The following GLDC variants were observed in gnomAD, a reference collection of about 807,000 sequenced individuals.
GLDC encodes the protein glycine decarboxylase.
A neutral mutation model predicts 121.3 loss-of-function variants in GLDC; 104 were observed. That is an observed-to-expected ratio of 0.86 (90% CI 0.73 to 1.01). The LOEUF is 1.01. Among genes scored for constraint, GLDC ranks in the 50% least tolerant of loss-of-function variants. The pLI is 0.00. For synonymous variants in GLDC, 546 were observed against 480.6 expected, an observed-to-expected ratio of 1.14 and a Z score of -1.78; for missense variants, 1,429 against 1,306.6, an observed-to-expected ratio of 1.09 and a Z score of -1.44.
chr9:6,547,275 CAG>C (rs1310713512), intron 21 of GLDC, among the ~76,000 whole-genome samples: 8 of 152,132 alleles, frequency 5.3e-5, no homozygotes, highest in Non-Finnish European at 8.8e-5. Flanking sequence ...GCTGTGAAAT[CAG>C]AGAGTCAGCT....
rs185708293 is a variant in GLDC at position 6,611,328 on chromosome 9, C to T, written c.471-972G>A. Reference sequence around the variant, plus strand: ...ACCTATTTTACTTGGGAGGTCAAGGCGGGCGGATCACGAGGTCAGGAGATC... The same window carrying T: ...ACCTATTTTACTTGGGAGGTCAAGGTGGGCGGATCACGAGGTCAGGAGATC... On this transcript the variant is annotated intron_variant, in intron 3 of 24. Transcript: ENST00000321612. Among the ~76,000 whole-genome samples, 263 of 152,296 alleles carry T rather than the reference C, an allele frequency of 1.7e-3. 1 individual carries two copies. Among genetic ancestry groups the T allele is most frequent in the East Asian group, 5.0e-3 (26 of 5,182 alleles).
At chr9:6,599,681 G>A (rs563333517) in intron 8 of GLDC, among the ~76,000 whole-genome samples, 48 of 147,868 alleles carry the variant, frequency 3.2e-4, no homozygotes, top group African/African-American at 8.1e-4. Context: ...AGATTGGGCC[G>A]CTGCATGCCA....
chr9:6,610,080 T>A (rs1187221834), intron 4 of GLDC, 112 bp downstream of exon 4: 6 of 841,998 alleles, frequency 7.1e-6, no homozygotes, highest in Non-Finnish European at 9.5e-6. Context: ...CTCTGAAAAG[T>A]CATACTCTAG....
At chr9:6,582,841 A>G (rs1818198982) in intron 15 of GLDC, among the ~76,000 whole-genome samples, 1 of 152,184 alleles carries the variant, frequency 6.6e-6, no homozygotes, top group African/African-American at 2.4e-5. Context: ...AAAAAAAAAA[A>G]AAGAACTGCT....
At chr9:6,566,243 A>C (rs563037289) in intron 15 of GLDC, among the ~76,000 whole-genome samples, 2 of 152,352 alleles carry the variant, frequency 1.3e-5, no homozygotes, top group South Asian at 4.1e-4. Flanking sequence ...ATCCCGTCTC[A>C]AAAAATAAAT....
chr9:6,589,263 C>A lies in GLDC; in HGVS notation c.1512G>T (p.Glu504Asp). 6.2e-7 allele frequency: 1 copy of A among 1,609,734 alleles called. No homozygotes were observed. The highest frequency in any genetic ancestry group is 8.5e-7 in the Non-Finnish European group (1 of 1,175,934). Residue 504 changes from glutamate to aspartate, a missense_variant, in exon 12 of 25, where the codon GAG (glutamate) becomes GAT (aspartate). Glu to Asp is a conservative substitution (Grantham distance 45). Transcript: ENST00000321612. ...AELVAESMGE[E>D]CRGIPGSVFK... ...ACACAGACCCTGGAATACCTCTGCA[C>A]TCCTCTCCCATGCTTTCAGCAACCA...
At chr9:6,644,361 G>A (rs1452434523) in intron 2 of GLDC, among the ~76,000 whole-genome samples, 1 of 152,032 alleles carries the variant, frequency 6.6e-6, no homozygotes, top group Non-Finnish European at 1.5e-5. Flanking sequence ...AAACGCAGGG[G>A]AAGCTCGCGG....
At chr9:6,562,485 G>C (rs1293545568) in intron 16 of GLDC, among the ~76,000 whole-genome samples, 5 of 152,134 alleles carry the variant, frequency 3.3e-5, no homozygotes, top group Non-Finnish European at 4.4e-5. Flanking sequence ...TCAGACATCA[G>C]TGATGTGAAA....
rs1818311439 is a variant in GLDC at position 6,588,405 on chromosome 9, AGTTCAGACGAACT to A, written c.1690_1702del (p.Ser565HisfsTer65). The A allele has an allele frequency of 6.2e-7, 1 of 1,610,640 alleles. No individual in the cohort carries two copies. Among genetic ancestry groups the A allele is most frequent in the Non-Finnish European group, 8.5e-7 (1 of 1,176,964 alleles). On this transcript the variant is annotated frameshift_variant, in exon 14 of 25. Transcript: ENST00000321612. LOFTEE classifies it high-confidence loss of function. Reference sequence around the variant, plus strand: ...TTACAGAAGTGAGCTACTTACTGCGAGTTCAGACGAACTGTTCAGTTTCATGGTGCAGGATCCC... The same window carrying A: ...TTACAGAAGTGAGCTACTTACTGCGAGTTCAGTTTCATGGTGCAGGATCCC...
At chr9:6,612,839 G>A (rs752716270) in intron 3 of GLDC, among the ~76,000 whole-genome samples, 1 of 152,138 alleles carries the variant, frequency 6.6e-6, no homozygotes, top group East Asian at 1.9e-4. Context: ...TCCAGCCTGG[G>A]TGACAGAGCG....
Position 6,536,049 on chromosome 9 carries a change from C to A in GLDC, c.2838+15G>T. The A allele has an allele frequency of 6.2e-7, 1 of 1,608,344 alleles. No homozygotes were observed. The highest frequency in any genetic ancestry group is 2.2e-5 in the East Asian group (1 of 44,860). On this transcript the variant is annotated intron_variant, in intron 23 of 24. Coordinates refer to ENST00000321612, the MANE Select transcript of GLDC (RefSeq NM_000170.3). ...TTTAAGGAACATTTCAAGCAATGTT[C>A]CAGGGCCTACGCACCTTCAGCGGAT...
intron 22 of GLDC, among the ~76,000 whole-genome samples, chr9:6,536,621 G>C (rs1257382357): frequency 6.6e-6 from 1 of 152,198 alleles, no homozygotes; most frequent in Admixed American, 6.5e-5. Flanking sequence ...TATGAGGGAA[G>C]ATGCCTTGAA....
chr9:6,545,106 AAG>A (rs1817359758), intron 21 of GLDC, among the ~76,000 whole-genome samples: 1 of 79,840 alleles, frequency 1.3e-5, no homozygotes, highest in Non-Finnish European at 2.3e-5. Context: ...TCTCAAAAAA[AAG>A]AAAAAAAAAA....
intron 7 of GLDC, among the ~76,000 whole-genome samples, chr9:6,604,031 TTTTTC>T (rs1220849141): frequency 2.0e-5 from 3 of 152,074 alleles, no homozygotes; most frequent in African/African-American, 7.2e-5. Context: ...CCCAGCCCTT[TTTTTC>T]TTTTCTTTTC....
intron 3 of GLDC, among the ~76,000 whole-genome samples, chr9:6,611,425 A>T (rs7021520): frequency 9.7e-4 from 148 of 151,976 alleles, no homozygotes; most frequent in African/African-American, 3.4e-3. Flanking sequence ...GCGTGGTGGC[A>T]CGTGCCTGTA....
chr9:6,545,155 T>C (rs1316712270), intron 21 of GLDC, among the ~76,000 whole-genome samples: 2 of 152,106 alleles, frequency 1.3e-5, no homozygotes, highest in South Asian at 2.1e-4. Context: ...CTTTCTTTCC[T>C]CATTCTAGCA....
At chr9:6,618,545 G>T (rs1819010632) in intron 3 of GLDC, among the ~76,000 whole-genome samples, 1 of 152,062 alleles carries the variant, frequency 6.6e-6, no homozygotes, top group African/African-American at 2.4e-5. Flanking sequence ...AGTCTCAGAT[G>T]ATCCACCCGC....
At position 6,613,007 on chromosome 9, in the gene GLDC, A is replaced by G. The variant is rs1028345000; in HGVS notation, c.471-2651T>C. Among the ~76,000 whole-genome samples the G allele has an allele frequency of 3.9e-5, 6 of 152,158 alleles. No homozygotes were observed. The East Asian group carries it at 5.8e-4, about 15-fold the overall frequency. Reference sequence around the variant, plus strand: ...TAAAATACAAAACGTTCTCGTTTTTATAAGTTTGTAAAAACAAGTAGATGA... The same window carrying G: ...TAAAATACAAAACGTTCTCGTTTTTGTAAGTTTGTAAAAACAAGTAGATGA... On this transcript the variant is annotated intron_variant, in intron 3 of 24. Transcript: ENST00000321612.
chr9:6,637,535 C>G (rs117150375), intron 2 of GLDC, among the ~76,000 whole-genome samples: 1,640 of 152,072 alleles, frequency 0.011, 19 homozygotes, highest in Admixed American at 0.018. Flanking sequence ...CTGCAACCTT[C>G]TCTTCCCTGC....
Sources: allele counts gnomAD v4.1 joint callset (sites outside exome capture counted in the v4.1 genomes callset), GRCh38; gene constraint gnomAD v4.1.1; transcripts MANE v1.5; gene names NCBI Gene and HGNC (gene_info 2026-07-23, HGNC 2026-07-21).